Variants in OAS1 observed in about 807,000 individuals in gnomAD.
OAS1 encodes the protein 2'-5'-oligoadenylate synthetase 1.
In OAS1, 24 loss-of-function variants were observed where a neutral mutation model predicts 38.5. That is an observed-to-expected ratio of 0.62 (90% CI 0.45 to 0.88). OAS1 has a LOEUF of 0.88. Among genes scored for constraint, OAS1 ranks in the 40% least tolerant of loss-of-function variants. The probability of loss-of-function intolerance (pLI) is 0.00; values close to 1 mark genes in which losing one functional copy is unlikely to be tolerated. For missense variants in OAS1, 482 were observed against 493.9 expected, an observed-to-expected ratio of 0.98 and a Z score of 0.23; for synonymous variants, 169 against 193.9, an observed-to-expected ratio of 0.87 and a Z score of 1.07.
downstream of OAS1, among the ~76,000 whole-genome samples, chr12:112,922,795 T>C (rs2043538443): frequency 6.6e-6 from 1 of 152,234 alleles, no homozygotes; most frequent in Admixed American, 6.5e-5. Flanking sequence ...TTCTGGAATT[T>C]CATACTTTTC....
intron 3 of OAS1, among the ~76,000 whole-genome samples, chr12:112,913,934 T>A (rs2043419275): frequency 6.6e-6 from 1 of 152,192 alleles, no homozygotes; most frequent in Admixed American, 6.5e-5. Context: ...GAGGACTATT[T>A]TTTTTTATTT....
intron 3 of OAS1, among the ~76,000 whole-genome samples, chr12:112,912,050 G>A (rs1188482034): frequency 6.6e-6 from 1 of 152,182 alleles, no homozygotes; most frequent in Non-Finnish European, 1.5e-5. Context: ...AGTAAAATTT[G>A]AATTTGGCTG....
chr12:112,922,743 C>T (rs879815388), downstream of OAS1, among the ~76,000 whole-genome samples: 1 of 152,222 alleles, frequency 6.6e-6, no homozygotes, highest in Non-Finnish European at 1.5e-5. Context: ...GTGCCCATTT[C>T]CCTTGGCCTC....
intron 5 of OAS1, chr12:112,918,424 C>G: frequency 3.4e-6 from 1 of 293,234 alleles, no homozygotes; most frequent in Non-Finnish European, 6.9e-6. Context: ...CATGACTTTG[C>G]TATTGTGAAT....
At chr12:112,915,694 G>A (rs960059743) in intron 3 of OAS1, among the ~76,000 whole-genome samples, 2 of 152,154 alleles carry the variant, frequency 1.3e-5, no homozygotes, top group African/African-American at 2.4e-5. Flanking sequence ...CATTGAATTT[G>A]TAGATTGTTT....
chr12:112,929,812 A>G (rs1338248775), intron 6 of OAS1, among the ~76,000 whole-genome samples: 1 of 152,154 alleles, frequency 6.6e-6, no homozygotes, highest in Non-Finnish European at 1.5e-5. Context: ...GATAATGATG[A>G]TGGTGGCCTT....
chr12:112,925,629 T>TA lies in OAS1; in HGVS notation c.1167+6021dup, dbSNP rs530119910. 5.7e-4 allele frequency among the ~76,000 whole-genome samples: 86 copies of TA among 151,794 alleles called. No homozygotes were observed. In the East Asian group the frequency reaches 0.01, roughly 18 times the overall value. On this transcript the variant is annotated intron_variant, in intron 6 of 6. Coordinates refer to the OAS1 transcript ENST00000540589. ...TAGTGAGACCCTGTCTCTATAAAAA[T>TA]AAAAAAATTAGCCAGGTGTGGTGGC... is the stretch of plus-strand genomic sequence containing the variant.
rs745473063 is a variant in OAS1 at position 112,919,371 on chromosome 12, T to C, written c.1039-18T>C. ...GCAGGAAGACTCCCTGATGTGATCA[T>C]GTGTCTCACCCTTTCAGGCTGAAAG... On this transcript the variant is annotated intron_variant, in intron 5 of 5. Coordinates refer to ENST00000202917, the MANE Select transcript of OAS1 (RefSeq NM_016816.4). The C allele has an allele frequency of 1.2e-6, 2 of 1,602,234 alleles. No individual in the cohort carries two copies. The highest frequency in any genetic ancestry group is 1.3e-5 in the African/African-American group (1 of 74,736).
chr12:112,920,071 G>T (rs2043519571), downstream of OAS1, among the ~76,000 whole-genome samples: 1 of 152,128 alleles, frequency 6.6e-6, no homozygotes, highest in African/African-American at 2.4e-5. Context: ...CACAAAAGCA[G>T]ACAGAAATCC....
At chr12:112,911,368 G>A (rs925161197) in intron 3 of OAS1, 133 bp downstream of exon 3, 16 of 671,574 alleles carry the variant, frequency 2.4e-5, no homozygotes, top group Admixed American at 2.2e-4. Flanking sequence ...GATGGAAAAA[G>A]GAGAGAAAGG....
exon 7 of OAS1, chr12:112,932,140 C>T: frequency 6.1e-6 from 3 of 495,184 alleles, no homozygotes; most frequent in Non-Finnish European, 1.1e-5. Context: ...AACTCCCTCC[C>T]TCTCTTCCTC....
downstream of OAS1, chr12:112,932,383 G>C (rs935125099): frequency 1.3e-5 from 2 of 154,258 alleles, no homozygotes; most frequent in African/African-American, 4.8e-5. Context: ...CTTGAGGCCA[G>C]GAGTTTGAGA....
rs34712807 is a variant in OAS1, at chr12:112,919,397, C to T, written c.1047C>T (p.Ser349=). 1.8e-3 allele frequency: 2,913 copies of T among 1,612,502 alleles called. 61 individuals are homozygous for T. In the East Asian group the frequency reaches 0.029, roughly 16 times the overall value. The change falls in exon 6 of 6, where the codon AGC becomes AGT. Residue 349 remains serine (S), a synonymous_variant. Transcript: ENST00000202917. ...PVSSWILLAE[S]NSADDETDDP... is the part of the protein sequence containing the mutation. Reference sequence around the variant, plus strand: ...GTGTCTCACCCTTTCAGGCTGAAAGCAACAGTGCAGACGATGAGACCGACG... The same window carrying T: ...GTGTCTCACCCTTTCAGGCTGAAAGTAACAGTGCAGACGATGAGACCGACG...
At position 112,911,190 on chromosome 12, in the gene OAS1, C is replaced by T; in HGVS notation, c.609C>T (p.Thr203=). ...GAGACTTCCTGAAGCAGCGCCCCAC[C>T]AAGCTCAAGAGCCTCATCCGCCTAG... ...LQRDFLKQRP[T]KLKSLIRLVK... is the part of the protein sequence containing the mutation. The change falls in exon 3 of 6, where the codon ACC becomes ACT. Residue 203 remains threonine, a synonymous_variant. Transcript: ENST00000202917. 1.9e-6 allele frequency: 3 copies of T among 1,613,860 alleles called. No homozygotes were observed. Among genetic ancestry groups the T allele is most frequent in the Non-Finnish European group, 1.7e-6 (2 of 1,179,958 alleles).
intron 6 of OAS1, among the ~76,000 whole-genome samples, chr12:112,930,030 G>T (rs959016931): frequency 5.3e-5 from 8 of 152,106 alleles, no homozygotes; most frequent in African/African-American, 1.9e-4. Flanking sequence ...TCATGGGGGT[G>T]GATTTCTCAT....
chr12:112,914,777 A>G (rs1289698742), intron 3 of OAS1, among the ~76,000 whole-genome samples: 2 of 140,402 alleles, frequency 1.4e-5, no homozygotes, highest in Non-Finnish European at 3.0e-5. Flanking sequence ...TTTAGGGTAC[A>G]TGTGCACAAT....
Position 112,908,986 on chromosome 12 carries a change from A to G in OAS1, c.469+162A>G, listed in dbSNP as rs533960394. ...AGAATGAATACGGTCATGATCTATC[A>G]CAGGAGAGACATTAAACAGCAAATT... On this transcript the variant is annotated intron_variant, in intron 2 of 5. Coordinates refer to ENST00000202917, the MANE Select transcript of OAS1 (RefSeq NM_016816.4). 5 of 653,110 alleles carry G rather than the reference A, an allele frequency of 7.7e-6. No homozygotes were observed. The South Asian group carries it at 1.2e-4, about 16-fold the overall frequency. 40.5% of individuals were successfully genotyped at this position (653,110 alleles called of 1,614,324 possible). A position where few individuals can be genotyped will look rare whatever the true frequency, so the allele number is the denominator to read the frequency against.
Position 112,919,874 on chromosome 12 carries a change from T to C in OAS1, c.*321T>C, listed in dbSNP as rs2043518017. On this transcript the variant is annotated 3_prime_UTR_variant, in exon 6 of 6. Coordinates refer to ENST00000202917, the MANE Select transcript of OAS1 (RefSeq NM_016816.4). ...TGGGAGGGTAATGTCTAATGTATTA[T>C]CAATAACAATAAAAATAAAGCAAAT... 1.3e-6 allele frequency: 1 copy of C among 782,338 alleles called. No homozygotes were observed. Among genetic ancestry groups the C allele is most frequent in the African/African-American group, 1.7e-5 (1 of 57,398 alleles). The allele number at this position is 782,338 out of a possible 1,614,324, so 48.5% of individuals were successfully genotyped here.
At chr12:112,921,369 T>C (rs2043527399), downstream of OAS1, among the ~76,000 whole-genome samples, 1 of 152,194 alleles carries the variant, frequency 6.6e-6, no homozygotes, top group Non-Finnish European at 1.5e-5. Flanking sequence ...AAAATGCACT[T>C]GTGTTGCCTT....
Sources: gnomAD v4.1 joint callset for allele counts (sites outside exome capture counted in the v4.1 genomes callset) on GRCh38, gnomAD v4.1.1 for gene constraint, MANE v1.5 for transcripts, NCBI Gene and HGNC (gene_info 2026-07-23, HGNC 2026-07-21) for gene names.